PRSS54: variants seen among roughly 807,000 people sequenced by gnomAD.
PRSS54 encodes the protein serine protease 54.
In PRSS54, 16 loss-of-function variants were observed where a neutral mutation model predicts 19.9. The observed-to-expected ratio is 0.80, with a 90% CI of 0.54 to 1.22. The LOEUF is 1.22. Ranked by LOEUF, PRSS54 falls within the 50% of genes most tolerant of loss-of-function variation. The probability of loss-of-function intolerance (pLI) is 0.00; values close to 1 mark genes in which losing one functional copy is unlikely to be tolerated. For synonymous variants in PRSS54, 177 were observed against 195.8 expected (o/e 0.90, Z 0.80); for missense variants, 444 against 494.8 (o/e 0.90, Z 0.97).
chr16:58,291,774 C>A (rs1169204085), intron 3 of PRSS54, among the ~76,000 whole-genome samples: 1 of 152,090 alleles, frequency 6.6e-6, no homozygotes, highest in Non-Finnish European at 1.5e-5. Context: ...TGAGCCACTG[C>A]GCCCAACTTT....
rs762010593 is a variant in PRSS54 at position 58,293,812 on chromosome 16, A to T, written c.5T>A (p.Val2Glu). The T allele has an allele frequency of 6.2e-7, 1 of 1,612,594 alleles. No homozygotes were observed. Among genetic ancestry groups the T allele is most frequent in the Non-Finnish European group, 8.5e-7 (1 of 1,179,492 alleles). M[V>E]SAAGLSGDGK... is the part of the protein sequence containing the mutation. ...ATCCCCAGAGAGACCCGCCGCGGACACCATGGGCAGCTGGGGAAACAAAAC... is the reference window on the plus strand; with the variant it reads ...ATCCCCAGAGAGACCCGCCGCGGACTCCATGGGCAGCTGGGGAAACAAAAC... Residue 2 changes from valine (V) to glutamate (E), a missense_variant, in exon 3 of 7, where the codon GTG becomes GAG. Coordinates refer to ENST00000567164, the MANE Select transcript of PRSS54 (RefSeq NM_001305173.2).
At chr16:58,290,925 C>A in intron 4 of PRSS54, 34 bp downstream of exon 4, 1 of 1,608,662 alleles carries the variant, frequency 6.2e-7, no homozygotes, top group East Asian at 2.2e-5. Flanking sequence ...TCACCCCCGG[C>A]GATGTTGCGG....
In PRSS54 at chr16:58,280,504, T is replaced by C. The variant is rs371906043; in HGVS notation, c.908A>G (p.Asp303Gly). ...TGATCCAACATGGCCCAGTTCAGAA[T>C]CAGAATATGTCTTCTGTGTCATGGT... ...NATMTQKTYS[D>G]SELGHVGSYL... is the part of the protein sequence containing the mutation. Residue 303 changes from aspartate to glycine, a missense_variant, in exon 7 of 7, where the codon GAT becomes GGT. Physicochemically the swap from Asp to Gly is moderately conservative, Grantham distance 94. Coordinates refer to ENST00000567164, the MANE Select transcript of PRSS54 (RefSeq NM_001305173.2). 3 of 1,614,194 alleles carry C rather than the reference T, an allele frequency of 1.9e-6. No homozygotes were observed. The highest frequency in any genetic ancestry group is 1.7e-5 in the Admixed American group (1 of 60,028).
chr16:58,280,456 G>A lies in PRSS54; in HGVS notation c.956C>T (p.Thr319Ile). 1.2e-6 allele frequency: 2 copies of A among 1,614,098 alleles called. No individual in the cohort carries two copies. Among genetic ancestry groups the A allele is most frequent in the South Asian group, 1.1e-5 (1 of 91,082 alleles). Residue 319 changes from threonine (T) to isoleucine (I), a missense_variant, in exon 7 of 7, where the codon ACC becomes ATC. Physicochemically the swap from Thr to Ile is moderately conservative, Grantham distance 89 (BLOSUM62 -1). Transcript: ENST00000567164. ...VGSYLQGQRR[T>I]ITHSRLGNSS... ...GTTTCCTAGTCGTGAATGCGTGATG[G>A]TCCTTCTTTGTCCCTGCAAGTATGA... is the stretch of plus-strand genomic sequence containing the variant.
At chr16:58,288,996 A>G (rs1449012946) in intron 4 of PRSS54, among the ~76,000 whole-genome samples, 2 of 152,196 alleles carry the variant, frequency 1.3e-5, no homozygotes, top group African/African-American at 2.4e-5. Context: ...CTAACCCCCA[A>G]TTTGACCATA....
Position 58,280,239 on chromosome 16 carries a change from A to G in PRSS54, c.1173T>C (p.Phe391=). ...IILVSFVLVF[F]CSSI The stretch of plus-strand genomic sequence containing the variant: ...AGCTCCTGGACTAGATACTGCTGCA[A>G]AAGAAAACAAGCACGAAGGAAACCA... Residue 391 remains phenylalanine, a synonymous_variant, in exon 7 of 7, where the codon TTT becomes TTC. Coordinates refer to ENST00000567164, the MANE Select transcript of PRSS54 (RefSeq NM_001305173.2). The G allele has an allele frequency of 6.2e-7, 1 of 1,611,992 alleles. No homozygotes were observed. The highest frequency in any genetic ancestry group is 1.1e-5 in the South Asian group (1 of 90,648).
In PRSS54 at chr16:58,280,292, T is replaced by C; in HGVS notation, c.1120A>G (p.Arg374Gly). Residue 374 changes from arginine (R) to glycine (G), a missense_variant, in exon 7 of 7, where the codon AGG becomes GGG. Transcript: ENST00000567164. ...GEGRIFAGQN[R>G]LYQPEEIILV... ...ATGATTTCTTCGGGCTGATACAACC[T>C]GTTCTGACCTGCAAAAATCCTACCT... is the stretch of plus-strand genomic sequence containing the variant. The C allele has an allele frequency of 1.2e-6, 2 of 1,614,086 alleles. No homozygotes were observed. Among genetic ancestry groups the C allele is most frequent in the Non-Finnish European group, 1.7e-6 (2 of 1,180,006 alleles).
At chr16:58,282,045 G>GT (rs1181332744) in intron 6 of PRSS54, 2 of 132,010 alleles carry the variant, frequency 1.5e-5, no homozygotes, top group African/African-American at 5.9e-5. Context: ...GTCTTGCTCT[G>GT]TCCCCCATGC....
Position 58,294,024 on chromosome 16 carries a change from G to T in PRSS54, c.-46C>A, listed in dbSNP as rs1965095268. ...GTGCTTGGTTCTGTGTGGTAAAGAG[G>T]CAGGACCAGTTGGCCCGCACTGTGG... On this transcript the variant is annotated 5_prime_UTR_variant, in exon 2 of 7. Coordinates refer to ENST00000567164, the MANE Select transcript of PRSS54 (RefSeq NM_001305173.2). The T allele has an allele frequency of 6.9e-6, 4 of 582,630 alleles. No homozygotes were observed. Among genetic ancestry groups the T allele is most frequent in the Admixed American group, 5.8e-5 (2 of 34,492 alleles). The allele number at this position is 582,630 out of a possible 1,614,324, so 36.1% of individuals were successfully genotyped here.
rs1964918042 is a variant in PRSS54, at chr16:58,286,201, G to A, written c.264-6C>T. 2 of 1,613,528 alleles carry A rather than the reference G, an allele frequency of 1.2e-6. No individual in the cohort carries two copies. The highest frequency in any genetic ancestry group is 1.3e-5 in the African/African-American group (1 of 74,924). The stretch of plus-strand genomic sequence containing the variant: ...CTATAACGACAATGTCCTTCCTGGA[G>A]AGAGAGCAAGGGAATCTTGAGAAGC... On this transcript the variant is annotated splice_region_variant and splice_polypyrimidine_tract_variant and intron_variant, in intron 4 of 6. Coordinates refer to ENST00000567164, the MANE Select transcript of PRSS54 (RefSeq NM_001305173.2).
intron 4 of PRSS54, 112 bp from the exon 5 acceptor site, chr16:58,286,307 T>C (rs4784916): frequency 0.68 from 747,175 of 1,105,126 alleles, 256,346 homozygotes; most frequent in African/African-American, 0.89. Flanking sequence ...AGCTCATATT[T>C]CCTGTGTTAA....
At chr16:58,293,894 C>T in intron 2 of PRSS54, 72 bp from the exon 3 acceptor site, 1 of 1,252,362 alleles carries the variant, frequency 8.0e-7, no homozygotes, top group Non-Finnish European at 1.1e-6. Flanking sequence ...CTCTTTTTTC[C>T]ATCCTCTTCC....
intron 3 of PRSS54, among the ~76,000 whole-genome samples, chr16:58,291,932 A>G (rs775350062): frequency 3.3e-4 from 50 of 151,306 alleles, no homozygotes; most frequent in Middle Eastern, 6.8e-3. Context: ...TTTATTTTTT[A>G]TTTTTATATT....
Position 58,290,022 on chromosome 16 carries a change from C to T in PRSS54, c.263+937G>A, listed in dbSNP as rs140217184. On this transcript the variant is annotated intron_variant, in intron 4 of 6. Coordinates refer to ENST00000567164, the MANE Select transcript of PRSS54 (RefSeq NM_001305173.2). ...CCCCAATACTCTGTGTGTGTATATA[C>T]GTAATTATAGATTATATACTATATG... Among the ~76,000 whole-genome samples, 410 of 151,128 alleles carry T rather than the reference C, an allele frequency of 2.7e-3. 4 individuals carry two copies. The highest frequency in any genetic ancestry group is 0.011 in the Middle Eastern group (3 of 280).
At chr16:58,287,350 A>G (rs1447015688) in intron 4 of PRSS54, among the ~76,000 whole-genome samples, 1 of 152,208 alleles carries the variant, frequency 6.6e-6, no homozygotes, top group African/African-American at 2.4e-5. Context: ...AGGTCTTGGC[A>G]GGATGCAGGG....
At chr16:58,293,587 A>G in intron 3 of PRSS54, 145 bp downstream of exon 3, 2 of 1,480,580 alleles carry the variant, frequency 1.4e-6, no homozygotes, top group Non-Finnish European at 1.8e-6. Context: ...TCCTGCCACC[A>G]ATGCAGGCCG....
At chr16:58,283,028 C>G (rs1964817293) in intron 6 of PRSS54, 1 of 152,234 alleles carries the variant, frequency 6.6e-6, no homozygotes, top group African/African-American at 2.4e-5. Flanking sequence ...CCCTCTGGAG[C>G]TACCCTACCT....
At chr16:58,292,693 A>G (rs1284308715) in intron 3 of PRSS54, among the ~76,000 whole-genome samples, 2 of 152,214 alleles carry the variant, frequency 1.3e-5, no homozygotes, top group African/African-American at 4.8e-5. Flanking sequence ...CAAGATCCTT[A>G]TCTTTGGTCT....
chr16:58,289,081 G>T (rs543099062), intron 4 of PRSS54, among the ~76,000 whole-genome samples: 6 of 152,282 alleles, frequency 3.9e-5, no homozygotes, highest in Admixed American at 1.3e-4. Context: ...ATTAAATGAG[G>T]TATAAGGCTG....
Sources: allele counts gnomAD v4.1 joint callset (sites outside exome capture counted in the v4.1 genomes callset), GRCh38; gene constraint gnomAD v4.1.1; transcripts MANE v1.5; gene names NCBI Gene and HGNC (gene_info 2026-07-23, HGNC 2026-07-21).